Variants in SRPRA observed in about 807,000 individuals in gnomAD.
SRPRA encodes the protein SRP receptor subunit alpha.
SRPRA carries 30 observed loss-of-function variants against 61.1 expected under a neutral mutation model. The observed-to-expected ratio is 0.49, with a 90% CI of 0.37 to 0.67. SRPRA has a LOEUF of 0.67. Ranked by LOEUF, SRPRA falls within the 30% of genes least tolerant of loss-of-function variation. SRPRA has a pLI of 0.00. For synonymous variants in SRPRA, 324 were observed against 299.7 expected, an observed-to-expected ratio of 1.08 and a Z score of -0.84; for missense variants, 759 against 828.4, an observed-to-expected ratio of 0.92 and a Z score of 1.03.
Position 126,264,709 on chromosome 11 carries a change from A to G in SRPRA, c.1526-170T>C. On this transcript the variant is annotated intron_variant, in intron 11 of 13. Coordinates refer to ENST00000332118, the MANE Select transcript of SRPRA (RefSeq NM_003139.4). This position sits in a 1 kb window ranked among gnomAD's most constrained non-coding sequence, Gnocchi z 5.0. The stretch of plus-strand genomic sequence containing the variant: ...ATTATATGCTTGGCCATCACCAAAC[A>G]TATTCAGGAAAAGGAGGACAACAGG... 1.2e-6 allele frequency: 1 copy of G among 853,624 alleles called. No individual in the cohort carries two copies. Among genetic ancestry groups the G allele is most frequent in the Non-Finnish European group, 1.8e-6 (1 of 567,870 alleles). 52.9% of individuals were successfully genotyped at this position (853,624 alleles called of 1,614,324 possible). A position where few individuals can be genotyped will look rare whatever the true frequency, so the allele number is the denominator to read the frequency against.
In SRPRA at chr11:126,265,614, T is replaced by A; in HGVS notation, c.1138+123A>T. 1 of 1,271,496 alleles carries A rather than the reference T, an allele frequency of 7.9e-7. No homozygotes were observed. The highest frequency in any genetic ancestry group is 1.1e-6 in the Non-Finnish European group (1 of 899,734). The allele number at this position is 1,271,496 out of a possible 1,614,324, so 78.8% of individuals were successfully genotyped here. A position where few individuals can be genotyped will look rare whatever the true frequency, so the allele number is the denominator to read the frequency against. ...CTCACTGAATCCTCTCAATAACCCT[T>A]AAAATCTAGGTTACAGAGGTTTAGA... On this transcript the variant is annotated intron_variant, in intron 9 of 13. Coordinates refer to ENST00000332118, the MANE Select transcript of SRPRA (RefSeq NM_003139.4). This position sits in a 1 kb window ranked among gnomAD's most constrained non-coding sequence, Gnocchi z 6.3.
Position 126,265,054 on chromosome 11 carries a change from G to T in SRPRA, c.1430C>A (p.Pro477His), listed in dbSNP as rs761951452. 8.7e-6 allele frequency: 14 copies of T among 1,614,186 alleles called. No homozygotes were observed. The highest frequency in any genetic ancestry group is 1.2e-5 in the Non-Finnish European group (14 of 1,180,032). ...THTRRLSALH[P>H]PEKHGGRTMV... ...GGTGCGGCCACCATGCTTCTCTGGA[G>T]GGTGTAGGGCACTCAAACGCCGGGT... is the stretch of plus-strand genomic sequence containing the variant. Residue 477 changes from proline (P) to histidine (H), a missense_variant, in exon 11 of 14, where the codon CCT becomes CAT. Physicochemically the swap from Pro to His is moderately conservative, Grantham distance 77 (BLOSUM62 -2). Around this residue, in one of 2 missense-constraint regions of SRPRA, gnomAD observed 284 missense variants for 365.9 expected, o/e 0.78. Transcript: ENST00000332118. This position sits in a 1 kb window ranked among gnomAD's most constrained non-coding sequence, Gnocchi z 6.3.
chr11:126,260,029 TTTA>T (rs1048526121), downstream of SRPRA, among the ~76,000 whole-genome samples: 2 of 151,942 alleles, frequency 1.3e-5, no homozygotes, highest in South Asian at 2.1e-4. Context: ...TTATTTTTAT[TTTA>T]TTATTATTAC....
the SRPRA span, among the ~76,000 whole-genome samples, chr11:126,238,318 C>G: frequency 6.6e-6 from 1 of 151,856 alleles, no homozygotes; most frequent in Non-Finnish European, 1.5e-5. Flanking sequence ...GCCAAGATTA[C>G]GAGATTCCAT....
downstream of SRPRA, chr11:126,261,263 T>C: frequency 3.3e-6 from 2 of 612,194 alleles, no homozygotes; most frequent in South Asian, 2.0e-5. Flanking sequence ...ACTACTCCAG[T>C]TTATCCTCTC....
chr11:126,237,427 A>G, the SRPRA span, among the ~76,000 whole-genome samples: 1 of 145,948 alleles, frequency 6.9e-6, no homozygotes, highest in African/African-American at 2.5e-5. Context: ...AAATAAAGAC[A>G]GGTTTTCACC....
At chr11:126,260,890 C>T (rs1358816068), downstream of SRPRA, 1 of 153,514 alleles carries the variant, frequency 6.5e-6, no homozygotes, top group African/African-American at 2.4e-5. Context: ...TGTCTAGTAT[C>T]ATAGTTAGGA....
rs1950823239 is a variant in SRPRA at position 126,267,031 on chromosome 11, G to C, written c.527-109C>G. On this transcript the variant is annotated intron_variant, in intron 4 of 13. Transcript: ENST00000332118. The surrounding 1 kb of genome is among the most constrained non-coding windows in gnomAD (Gnocchi z 4.2). ...AAGGAAATTTGGACCAAACATCTTGGAGTTCATAAGGCCTGGGGATTATAG... is the reference window on the plus strand; with the variant it reads ...AAGGAAATTTGGACCAAACATCTTGCAGTTCATAAGGCCTGGGGATTATAG... The C allele has an allele frequency of 6.6e-7, 1 of 1,524,290 alleles. No individual in the cohort carries two copies. Among genetic ancestry groups the C allele is most frequent in the East Asian group, 2.3e-5 (1 of 44,332 alleles). The allele number at this position is 1,524,290 out of a possible 1,614,324, so 94.4% of individuals were successfully genotyped here.
chr11:126,241,103 C>G, the SRPRA span: 3 of 1,491,064 alleles, frequency 2.0e-6, no homozygotes, highest in African/African-American at 1.4e-5. Flanking sequence ...ACTATCACAA[C>G]TAGCATGATT....
the SRPRA span, chr11:126,245,192 C>T: frequency 6.6e-6 from 1 of 151,788 alleles, no homozygotes; most frequent in African/African-American, 2.4e-5. Context: ...GGAAATGGAG[C>T]AGGTCAAAAC....
At chr11:126,268,138 T>A (rs1171269965) in intron 1 of SRPRA, 52 bp from the exon 2 acceptor site, 1 of 1,542,780 alleles carries the variant, frequency 6.5e-7, no homozygotes, top group Non-Finnish European at 9.0e-7. Context: ...AAACCCAGGT[T>A]TGGGCCCTGG....
chr11:126,259,580 C>T (rs1203515879), downstream of SRPRA, among the ~76,000 whole-genome samples: 1 of 151,996 alleles, frequency 6.6e-6, no homozygotes, highest in Non-Finnish European at 1.5e-5. Flanking sequence ...CGCCCACCAC[C>T]ATGCCCGGCT....
At chr11:126,244,507 G>A in the SRPRA span, among the ~76,000 whole-genome samples, 1 of 152,242 alleles carries the variant, frequency 6.6e-6, no homozygotes, top group African/African-American at 2.4e-5. This position sits in a 1 kb window ranked among gnomAD's most constrained non-coding sequence, Gnocchi z 4.5. Context: ...TAAATTTAAC[G>A]AAAGAAGTAC....
At chr11:126,255,567 T>C in the SRPRA span, among the ~76,000 whole-genome samples, 24 of 152,216 alleles carry the variant, frequency 1.6e-4, no homozygotes, top group Non-Finnish European at 2.6e-4. The surrounding 1 kb of genome is among the most constrained non-coding windows in gnomAD (Gnocchi z 4.6). Context: ...AATTATCTTC[T>C]CTGGTGATTC....
At position 126,266,282 on chromosome 11, in the gene SRPRA, G is replaced by C; in HGVS notation, c.841-4C>G. 6.2e-7 allele frequency: 1 copy of C among 1,613,948 alleles called. No homozygotes were observed. Among genetic ancestry groups the C allele is most frequent in the South Asian group, 1.1e-5 (1 of 91,080 alleles). ...CCCCAGACCCAGTCCCTCGAATCTG[G>C]AAGATACGGGGAAAGGATGTGGGGT... On this transcript the variant is annotated splice_region_variant and splice_polypyrimidine_tract_variant and intron_variant, in intron 6 of 13. Transcript: ENST00000332118.
rs1199320126 is a variant in SRPRA, at chr11:126,268,548, A to G, written c.117+140T>C. The G allele has an allele frequency of 3.3e-5, 23 of 698,588 alleles. No individual in the cohort carries two copies. In the East Asian group the frequency reaches 5.8e-4, roughly 18 times the overall value. The allele number at this position is 698,588 out of a possible 1,614,324, so 43.3% of individuals were successfully genotyped here. On this transcript the variant is annotated intron_variant, in intron 1 of 13. Transcript: ENST00000332118. ...GTAGTCTGAAGGGGACGAGAAAACG[A>G]AGCGGAGTCCGGGTTACGCGTGAGT... is the stretch of plus-strand genomic sequence containing the variant.
chr11:126,258,040 G>A (rs182995962), downstream of SRPRA, among the ~76,000 whole-genome samples: 1 of 152,264 alleles, frequency 6.6e-6, no homozygotes, highest in Admixed American at 6.5e-5. Flanking sequence ...AAAAAACTTG[G>A]CTGTTGTGCA....
the SRPRA span, among the ~76,000 whole-genome samples, chr11:126,252,727 C>T: frequency 2.6e-5 from 4 of 151,748 alleles, no homozygotes; most frequent in Non-Finnish European, 4.4e-5. This position sits in a 1 kb window ranked among gnomAD's most constrained non-coding sequence, Gnocchi z 4.7. Flanking sequence ...TGGGTGACAG[C>T]ATAAGATCAT....
chr11:126,259,756 T>C (rs184268816), downstream of SRPRA, among the ~76,000 whole-genome samples: 9 of 145,412 alleles, frequency 6.2e-5, no homozygotes, highest in African/African-American at 2.1e-4. Flanking sequence ...AGTTTCTCTC[T>C]GTCACCCAGG....
Sources: allele counts gnomAD v4.1 joint callset (sites outside exome capture counted in the v4.1 genomes callset), GRCh38; gene constraint gnomAD v4.1.1; regional missense constraint gnomAD v4.1.1; non-coding constraint Gnocchi (gnomAD v3.1); transcripts MANE v1.5; gene names NCBI Gene and HGNC (gene_info 2026-07-23, HGNC 2026-07-21).